PGBD2: variants seen among roughly 807,000 people sequenced by gnomAD.
The protein encoded by PGBD2 is piggyBac transposable element derived 2, also known as piggyBac transposable element-derived protein 2.
A neutral mutation model predicts 8.1 loss-of-function variants in PGBD2; 6 were observed. That is an observed-to-expected ratio of 0.74 (90% confidence interval 0.40 to 1.46). The LOEUF is 1.46. PGBD2 is among the 40% of genes most tolerant of loss of function. PGBD2 has a pLI of 0.02. For synonymous variants in PGBD2, 318 were observed against 272.2 expected (o/e 1.17, Z -1.66); for missense variants, 802 against 739.0 (o/e 1.09, Z -0.99).
chr1:248,926,587 G>A, the PGBD2 span, among the ~76,000 whole-genome samples: 8 of 152,146 alleles, frequency 5.3e-5, no homozygotes, highest in Non-Finnish European at 1.2e-4. Flanking sequence ...TGCATACCAG[G>A]TTCCAGAAAG....
the PGBD2 span, among the ~76,000 whole-genome samples, chr1:248,882,362 G>T: frequency 1.3e-5 from 2 of 152,150 alleles, no homozygotes; most frequent in Non-Finnish European, 2.9e-5. Context: ...ACAGAGATAA[G>T]AATTTACAAT....
chr1:248,877,344 A>G, the PGBD2 span, among the ~76,000 whole-genome samples: 9 of 152,308 alleles, frequency 5.9e-5, no homozygotes, highest in Middle Eastern at 3.4e-3. Context: ...TGGTTTGTAT[A>G]TATTGTAGCC....
upstream of PGBD2, among the ~76,000 whole-genome samples, chr1:248,904,647 T>A (rs1291495941): frequency 1.3e-5 from 2 of 152,228 alleles, no homozygotes; most frequent in Non-Finnish European, 2.9e-5. Flanking sequence ...TTGCTTCGCC[T>A]CAGAGCATTT....
chr1:248,898,468 A>G, the PGBD2 span, among the ~76,000 whole-genome samples: 1 of 152,208 alleles, frequency 6.6e-6, no homozygotes, highest in South Asian at 2.1e-4. Flanking sequence ...ATTTTTAAAG[A>G]AAAGAATTTC....
chr1:248,913,197 C>T (rs1347948207), intron 1 of PGBD2, among the ~76,000 whole-genome samples: 2 of 152,116 alleles, frequency 1.3e-5, no homozygotes, highest in African/African-American at 2.4e-5. Context: ...ACTCCAGTTT[C>T]CCTCCCTCCC....
At chr1:248,873,888 T>G in the PGBD2 span, among the ~76,000 whole-genome samples, 4 of 152,320 alleles carry the variant, frequency 2.6e-5, no homozygotes, top group African/African-American at 4.8e-5. Flanking sequence ...GGCGCCAGAC[T>G]CAAGGTAAGC....
the PGBD2 span, among the ~76,000 whole-genome samples, chr1:248,928,168 T>TA: frequency 6.6e-6 from 1 of 152,192 alleles, no homozygotes; most frequent in Non-Finnish European, 1.5e-5. Flanking sequence ...TTTTCTTTTT[T>TA]AAAAAATTAT....
At position 248,908,556 on chromosome 1, in the gene PGBD2, A is replaced by G. The variant is rs7540118; in HGVS notation, c.-48+2214A>G. 7.2e-3 allele frequency among the ~76,000 whole-genome samples: 1,092 copies of G among 151,520 alleles called. 17 individuals are homozygous for G. Among genetic ancestry groups the G allele is most frequent in the African/African-American group, 0.025 (1,040 of 41,250 alleles). On this transcript the variant is annotated intron_variant, in intron 1 of 2. Coordinates refer to ENST00000329291, the MANE Select transcript of PGBD2 (RefSeq NM_170725.3). The stretch of plus-strand genomic sequence containing the variant: ...GTGTCCATTTCTCTCCATAGGCCCC[A>G]CCCTTTTGCCGTAGCCTTTTTGTCC...
At chr1:248,925,474 C>G in the PGBD2 span, among the ~76,000 whole-genome samples, 1 of 151,990 alleles carries the variant, frequency 6.6e-6, no homozygotes, top group South Asian at 2.1e-4. Context: ...ACTGTGCAAC[C>G]GGTGGCTTTT....
chr1:248,916,570 C>T, intron 2 of PGBD2, 32 bp from the exon 3 acceptor site: 1 of 1,591,928 alleles, frequency 6.3e-7, no homozygotes, highest in Non-Finnish European at 8.6e-7. Context: ...TCTGGCATGG[C>T]CTCTTCCTGA....
chr1:248,907,095 T>G (rs909953773), intron 1 of PGBD2, among the ~76,000 whole-genome samples: 6 of 151,734 alleles, frequency 4.0e-5, no homozygotes, highest in African/African-American at 1.5e-4. Flanking sequence ...CAGTTTTTAT[T>G]GATTATTGTT....
upstream of PGBD2, among the ~76,000 whole-genome samples, chr1:248,902,997 G>T (rs1311432369): frequency 6.6e-6 from 1 of 151,988 alleles, no homozygotes; most frequent in Non-Finnish European, 1.5e-5. Context: ...CCCTGCACAC[G>T]TACCCCTGAA....
downstream of PGBD2, among the ~76,000 whole-genome samples, chr1:248,923,692 T>C (rs1317679632): frequency 1.3e-5 from 2 of 152,254 alleles, no homozygotes; most frequent in Non-Finnish European, 2.9e-5. Context: ...CTTTTCCTCA[T>C]ACAGTCAATA....
Position 248,916,960 on chromosome 1 carries a change from G to A in PGBD2, c.376G>A (p.Ala126Thr). 6.2e-7 allele frequency: 1 copy of A among 1,613,080 alleles called. No homozygotes were observed. Among genetic ancestry groups the A allele is most frequent in the East Asian group, 2.2e-5 (1 of 44,866 alleles). Reference sequence around the variant, plus strand: ...TCGTCCAGACTTTGGCAGTTGGACTGCATCAGATCCTCATATTGAGGATCT... The same window carrying A: ...TCGTCCAGACTTTGGCAGTTGGACTACATCAGATCCTCATATTGAGGATCT... ...DIRPDFGSWT[A>T]SDPHIEDLKS... is the part of the protein sequence containing the mutation. The change falls in exon 3 of 3, where the codon GCA (alanine) becomes ACA (threonine). Residue 126 changes from alanine to threonine, a missense_variant. Ala to Thr is a moderately conservative substitution (Grantham distance 58, BLOSUM62 0). Transcript: ENST00000329291.
the PGBD2 span, among the ~76,000 whole-genome samples, chr1:248,888,697 A>G: frequency 6.6e-6 from 1 of 152,160 alleles, no homozygotes; most frequent in African/African-American, 2.4e-5. Context: ...TTGTCTGTTT[A>G]TTCTGTTGAT....
At chr1:248,876,892 C>T in the PGBD2 span, among the ~76,000 whole-genome samples, 10 of 152,024 alleles carry the variant, frequency 6.6e-5, no homozygotes, top group Non-Finnish European at 8.8e-5. Context: ...TTTTGGTTCT[C>T]TTTATGTAAA....
intron 1 of PGBD2, among the ~76,000 whole-genome samples, chr1:248,908,070 A>G (rs1162921917): frequency 6.6e-6 from 1 of 152,206 alleles, no homozygotes; most frequent in African/African-American, 2.4e-5. Flanking sequence ...CTTATTTTAC[A>G]AAACAGTCAA....
the PGBD2 span, among the ~76,000 whole-genome samples, chr1:248,893,259 A>C: frequency 6.6e-6 from 1 of 152,226 alleles, no homozygotes; most frequent in African/African-American, 2.4e-5. Flanking sequence ...AAAATCCTCT[A>C]ACATTTTTAA....
chr1:248,873,089 G>A, the PGBD2 span, among the ~76,000 whole-genome samples: 1 of 152,160 alleles, frequency 6.6e-6, no homozygotes, highest in Non-Finnish European at 1.5e-5. Flanking sequence ...ATTTACCGTT[G>A]TGTTCCCAGT....
Sources: allele counts gnomAD v4.1 joint callset (sites outside exome capture counted in the v4.1 genomes callset), GRCh38; gene constraint gnomAD v4.1.1; transcripts MANE v1.5; gene names NCBI Gene and HGNC (gene_info 2026-07-23, HGNC 2026-07-21).